XKR4: variants seen among roughly 807,000 people sequenced by gnomAD.
XKR4 encodes XK-related protein 4.
Under a neutral mutation model 53.9 loss-of-function variants are expected in XKR4, and 12 were observed. That is an observed-to-expected ratio of 0.22 (90% CI 0.14 to 0.36). The LOEUF (loss-of-function observed/expected upper bound fraction) is 0.36, where lower values mean the gene tolerates loss of function less well. Among genes scored for constraint, XKR4 ranks in the 10% least tolerant of loss-of-function variants. The pLI is 1.00. For missense variants in XKR4, 799 were observed against 859.5 expected, an observed-to-expected ratio of 0.93 and a Z score of 0.88; for synonymous variants, 354 against 362.4, an observed-to-expected ratio of 0.98 and a Z score of 0.26.
intron 1 of XKR4, among the ~76,000 whole-genome samples, chr8:55,264,309 T>C (rs1025154820): frequency 6.6e-6 from 1 of 152,228 alleles, no homozygotes; most frequent in Non-Finnish European, 1.5e-5. Flanking sequence ...TTTATGTTTA[T>C]TGGTTTATTG....
chr8:55,425,184 C>A (rs190026038), intron 2 of XKR4, among the ~76,000 whole-genome samples: 279 of 152,266 alleles, frequency 1.8e-3, no homozygotes, highest in African/African-American at 6.2e-3. Context: ...GAATGATATT[C>A]TTTTCTGATC....
intron 1 of XKR4, among the ~76,000 whole-genome samples, chr8:55,311,164 A>C (rs562174180): frequency 3.9e-5 from 6 of 152,182 alleles, no homozygotes; most frequent in Admixed American, 6.5e-5. Flanking sequence ...TGTGCCTCGA[A>C]TTGGTAAAGG....
chr8:55,443,547 A>C (rs993556966), intron 2 of XKR4, among the ~76,000 whole-genome samples: 4 of 148,792 alleles, frequency 2.7e-5, no homozygotes, highest in African/African-American at 4.9e-5. Context: ...AAAAAAAAAA[A>C]AAAAAAAAAC....
chr8:55,289,735 AAG>A (rs1204393929), intron 1 of XKR4, among the ~76,000 whole-genome samples: 2 of 46,814 alleles, frequency 4.3e-5, no homozygotes, highest in Non-Finnish European at 9.3e-5. Flanking sequence ...GAAAGAAAGA[AAG>A]AAAGAAAAAG....
At chr8:55,470,502 T>C (rs1051832611) in intron 2 of XKR4, among the ~76,000 whole-genome samples, 1 of 152,150 alleles carries the variant, frequency 6.6e-6, no homozygotes, top group Non-Finnish European at 1.5e-5. Flanking sequence ...CATGTCACCA[T>C]GATTGTGAGG....
intron 1 of XKR4, among the ~76,000 whole-genome samples, chr8:55,242,216 G>A (rs907309317): frequency 3.3e-5 from 5 of 152,094 alleles, no homozygotes; most frequent in African/African-American, 1.2e-4. Flanking sequence ...TTCTTGTCCT[G>A]ATTAGCATGT....
chr8:55,504,005 C>A, intron 2 of XKR4, among the ~76,000 whole-genome samples: 1 of 152,056 alleles, frequency 6.6e-6, no homozygotes. Flanking sequence ...TGCTGTATTA[C>A]ATTAATTAAT....
intron 2 of XKR4, among the ~76,000 whole-genome samples, chr8:55,499,778 C>G (rs1806408209): frequency 1.3e-5 from 2 of 152,188 alleles, no homozygotes; most frequent in Non-Finnish European, 1.5e-5. Flanking sequence ...GAATATCCAG[C>G]TGTTGCGCTG....
intron 2 of XKR4, among the ~76,000 whole-genome samples, chr8:55,519,298 T>C (rs1202895228): frequency 6.6e-6 from 1 of 152,214 alleles, no homozygotes; most frequent in Non-Finnish European, 1.5e-5. Flanking sequence ...ATACTATTCA[T>C]TATTTTGAAA....
chr8:55,279,150 G>A (rs1818803445), intron 1 of XKR4, among the ~76,000 whole-genome samples: 1 of 152,230 alleles, frequency 6.6e-6, no homozygotes, highest in Non-Finnish European at 1.5e-5. Flanking sequence ...GCATTTGGCT[G>A]TGATCTCAGA....
At chr8:55,239,166 A>G (rs1477423907) in intron 1 of XKR4, among the ~76,000 whole-genome samples, 1 of 152,204 alleles carries the variant, frequency 6.6e-6, no homozygotes, top group Non-Finnish European at 1.5e-5. Flanking sequence ...GTGATGTTTG[A>G]GATATCAATA....
At chr8:55,377,496 C>T (rs553893921) in intron 2 of XKR4, among the ~76,000 whole-genome samples, 1 of 152,268 alleles carries the variant, frequency 6.6e-6, no homozygotes, top group African/African-American at 2.4e-5. Context: ...CAAGGCAGCG[C>T]TAGCAAATAA....
intron 2 of XKR4, among the ~76,000 whole-genome samples, chr8:55,414,231 A>G (rs1373742260): frequency 6.6e-6 from 1 of 152,176 alleles, no homozygotes; most frequent in Non-Finnish European, 1.5e-5. Flanking sequence ...GTCTAACATC[A>G]AGTTGCCTAA....
chr8:55,248,964 A>G (rs890021507), intron 1 of XKR4, among the ~76,000 whole-genome samples: 1 of 152,132 alleles, frequency 6.6e-6, no homozygotes, highest in Non-Finnish European at 1.5e-5. Context: ...CTCACCATCT[A>G]TCCTTCGCAG....
At chr8:55,144,632 G>T (rs965647396) in intron 1 of XKR4, among the ~76,000 whole-genome samples, 1 of 151,842 alleles carries the variant, frequency 6.6e-6, no homozygotes, top group African/African-American at 2.4e-5. Context: ...GATAAAACTT[G>T]TAAGTCATAG....
chr8:55,403,099 C>T (rs1774543737), intron 2 of XKR4, among the ~76,000 whole-genome samples: 1 of 152,188 alleles, frequency 6.6e-6, no homozygotes, highest in South Asian at 2.1e-4. Flanking sequence ...ACCATTCTGT[C>T]CCTGCAGAAT....
chr8:55,286,506 G>A (rs536356381), intron 1 of XKR4, among the ~76,000 whole-genome samples: 12 of 152,274 alleles, frequency 7.9e-5, no homozygotes, highest in East Asian at 1.9e-4. Context: ...TAGGGGATAC[G>A]GGGGCATGCA....
chr8:55,321,257 C>CTGT (rs1313134052), intron 1 of XKR4, among the ~76,000 whole-genome samples: 3 of 152,244 alleles, frequency 2.0e-5, no homozygotes, highest in Admixed American at 2.0e-4. Context: ...GTTCCTCTCT[C>CTGT]TGTTATTAAA....
chr8:55,331,972 A>G (rs1285169974), intron 1 of XKR4, among the ~76,000 whole-genome samples: 1 of 152,026 alleles, frequency 6.6e-6, no homozygotes, highest in African/African-American at 2.4e-5. Context: ...ACTTACTATT[A>G]TCATTTTGTT....
Sources: gnomAD v4.1 joint callset for allele counts (sites outside exome capture counted in the v4.1 genomes callset) on GRCh38, gnomAD v4.1.1 for gene constraint, MANE v1.5 for transcripts, NCBI Gene and HGNC (gene_info 2026-07-23, HGNC 2026-07-21) for gene names.